Variants in ERC1 observed in about 807,000 individuals in gnomAD.
ERC1 encodes the protein ELKS/RAB6-interacting/CAST family member 1.
A neutral mutation model predicts 132.0 loss-of-function variants in ERC1; 56 were observed. The observed-to-expected ratio is 0.42, with a 90% CI of 0.34 to 0.53. The LOEUF is 0.53. Ranked by LOEUF, ERC1 falls within the 20% of genes least tolerant of loss-of-function variation. ERC1 has a pLI of 0.03. For missense variants in ERC1, 1,202 were observed against 1,349.9 expected (o/e 0.89, Z 1.72); for synonymous variants, 478 against 476.1 (o/e 1.00, Z -0.05).
chr12:1,311,727 T>A (rs905098126), intron 15 of ERC1, among the ~76,000 whole-genome samples: 1 of 152,228 alleles, frequency 6.6e-6, no homozygotes, highest in Admixed American at 6.5e-5. Context: ...TTCTATTGAT[T>A]CCTCAAAAAG....
chr12:1,466,820 C>T lies in ERC1; in HGVS notation c.3213+22070C>T, dbSNP rs146728522. Among the ~76,000 whole-genome samples the T allele has an allele frequency of 2.7e-3, 411 of 152,224 alleles. 2 individuals carry two copies. Among genetic ancestry groups the T allele is most frequent in the African/African-American group, 9.4e-3 (390 of 41,546 alleles). ...AAATATGAAGTAGGTGCTTGTTTAGCGACTGAATGAAATCAGGAATTTTCC... is the reference window on the plus strand; with the variant it reads ...AAATATGAAGTAGGTGCTTGTTTAGTGACTGAATGAAATCAGGAATTTTCC... On this transcript the variant is annotated intron_variant, in intron 18 of 18. Coordinates refer to ENST00000360905, the MANE Select transcript of ERC1 (RefSeq NM_178040.4).
At chr12:1,446,483 T>TA (rs1239941203) in intron 18 of ERC1, among the ~76,000 whole-genome samples, 2 of 152,218 alleles carry the variant, frequency 1.3e-5, no homozygotes, top group African/African-American at 4.8e-5. Context: ...ACAGGTGGTG[T>TA]AAACTTACTA....
intron 12 of ERC1, among the ~76,000 whole-genome samples, chr12:1,193,431 TACACACACAC>T (rs57726333): frequency 3.4e-5 from 5 of 149,044 alleles, no homozygotes; most frequent in Admixed American, 6.7e-5. Flanking sequence ...ATTAGTAGGA[TACACACACAC>T]ACACACACAC....
intron 8 of ERC1, among the ~76,000 whole-genome samples, chr12:1,175,266 C>A (rs146644784): frequency 6.7e-6 from 1 of 149,496 alleles, no homozygotes; most frequent in Non-Finnish European, 1.5e-5. Context: ...TCAATTGACT[C>A]GTCGTTTCAA....
At position 1,236,884 on chromosome 12, in the gene ERC1, G is replaced by A. The variant is rs757804797; in HGVS notation, c.2467G>A (p.Asp823Asn). 7.4e-6 allele frequency: 12 copies of A among 1,613,890 alleles called. No individual in the cohort carries two copies. The highest frequency in any genetic ancestry group is 2.2e-5 in the South Asian group (2 of 91,076). The change falls in exon 13 of 19, where the codon GAC becomes AAC. Residue 823 changes from aspartate (D) to asparagine (N), a missense_variant. Transcript: ENST00000360905. ...EARRREDNLNDSSQQLQDSLR... is the reference protein window; with the variant it reads ...EARRREDNLNNSSQQLQDSLR... Reference sequence around the variant, plus strand: ...GCGACGACGGGAGGACAATCTCAACGACAGCTCTCAGCAGCTACAGGTTAG... The same window carrying A: ...GCGACGACGGGAGGACAATCTCAACAACAGCTCTCAGCAGCTACAGGTTAG...
chr12:1,303,433 G>A (rs1056610639), intron 15 of ERC1, among the ~76,000 whole-genome samples: 1 of 149,674 alleles, frequency 6.7e-6, no homozygotes, highest in African/African-American at 2.5e-5. Context: ...TCAGGAGATC[G>A]AGACCATCCT....
Position 1,494,714 on chromosome 12 carries a change from G to A in ERC1, c.*4484G>A, listed in dbSNP as rs954932647. Reference sequence around the variant, plus strand: ...CACCTCCTCTCTTCTTTCTCTGCTTGTCGATATTGTCTGTGTGATTCAGAG... The same window carrying A: ...CACCTCCTCTCTTCTTTCTCTGCTTATCGATATTGTCTGTGTGATTCAGAG... On this transcript the variant is annotated 3_prime_UTR_variant, in exon 19 of 19. Transcript: ENST00000360905. 35 of 231,154 alleles carry A rather than the reference G, an allele frequency of 1.5e-4. No individual in the cohort carries two copies. The highest frequency in any genetic ancestry group is 6.0e-4 in the African/African-American group (27 of 45,210). 14.3% of individuals were successfully genotyped at this position (231,154 alleles called of 1,614,324 possible).
intron 12 of ERC1, among the ~76,000 whole-genome samples, chr12:1,201,523 C>A (rs1370931024): frequency 6.6e-6 from 1 of 152,112 alleles, no homozygotes; most frequent in Non-Finnish European, 1.5e-5. Flanking sequence ...TACCTATATG[C>A]TGAGTTTGTT....
intron 13 of ERC1, among the ~76,000 whole-genome samples, chr12:1,251,081 C>G (rs1222162041): frequency 6.6e-6 from 1 of 152,142 alleles, no homozygotes; most frequent in Non-Finnish European, 1.5e-5. Context: ...TGATTTAACT[C>G]TGTCTACAAA....
intron 2 of ERC1, among the ~76,000 whole-genome samples, chr12:1,049,968 C>T (rs1434113387): frequency 6.6e-6 from 1 of 152,064 alleles, no homozygotes. Context: ...GTCTCAAACT[C>T]CTGACCTCAG....
intron 2 of ERC1, among the ~76,000 whole-genome samples, chr12:1,068,113 G>A (rs910866101): frequency 2.6e-5 from 4 of 151,724 alleles, no homozygotes; most frequent in African/African-American, 7.2e-5. Flanking sequence ...TGTATTTTTA[G>A]TAGAGATGGG....
At chr12:1,243,824 A>G (rs1448246316) in intron 13 of ERC1, among the ~76,000 whole-genome samples, 10 of 152,166 alleles carry the variant, frequency 6.6e-5, no homozygotes, top group Non-Finnish European at 1.5e-4. Flanking sequence ...GTTTGAAACC[A>G]CGTTTAGAAA....
intron 1 of ERC1, among the ~76,000 whole-genome samples, chr12:1,026,989 A>T (rs1480318790): frequency 1.3e-5 from 2 of 152,222 alleles, no homozygotes; most frequent in Admixed American, 6.5e-5. Flanking sequence ...GTTGGGGAAG[A>T]ACTAAATCTT....
intron 2 of ERC1, among the ~76,000 whole-genome samples, chr12:1,082,080 G>A (rs1184896490): frequency 6.6e-6 from 1 of 152,130 alleles, no homozygotes; most frequent in Non-Finnish European, 1.5e-5. Flanking sequence ...CCAGGCTGGA[G>A]TGCAGTGGTG....
chr12:1,041,812 T>C (rs1161363283), intron 2 of ERC1, among the ~76,000 whole-genome samples: 1 of 152,176 alleles, frequency 6.6e-6, no homozygotes, highest in Non-Finnish European at 1.5e-5. Flanking sequence ...GTTGATAGCA[T>C]GTATTTCTTG....
intron 15 of ERC1, among the ~76,000 whole-genome samples, chr12:1,290,295 G>T (rs551672723): frequency 6.6e-6 from 1 of 152,120 alleles, no homozygotes; most frequent in Non-Finnish European, 1.5e-5. Context: ...GAAAGTTCAG[G>T]CAAAATGGCG....
chr12:1,001,694 A>G (rs559948826), intron 1 of ERC1, among the ~76,000 whole-genome samples: 1 of 152,222 alleles, frequency 6.6e-6, no homozygotes, highest in Admixed American at 6.6e-5. Context: ...TTTTGTTTGT[A>G]AGATTTAGAT....
chr12:1,329,852 AG>A (rs1302164214), intron 15 of ERC1, among the ~76,000 whole-genome samples: 1 of 152,230 alleles, frequency 6.6e-6, no homozygotes, highest in Non-Finnish European at 1.5e-5. Flanking sequence ...AAGGAAAGGG[AG>A]GAGTTAAAGA....
At chr12:1,071,021 T>C (rs1023681436) in intron 2 of ERC1, among the ~76,000 whole-genome samples, 11 of 152,256 alleles carry the variant, frequency 7.2e-5, no homozygotes, top group Admixed American at 2.0e-4. Context: ...TGTTGTTGCA[T>C]GTATCCATAG....
Sources: gnomAD v4.1 joint callset for allele counts (sites outside exome capture counted in the v4.1 genomes callset) on GRCh38, gnomAD v4.1.1 for gene constraint, MANE v1.5 for transcripts, NCBI Gene and HGNC (gene_info 2026-07-23, HGNC 2026-07-21) for gene names.